PCDH15: variants seen among roughly 807,000 people sequenced by gnomAD.
PCDH15 encodes the protein protocadherin related 15.
Under a neutral mutation model 178.5 loss-of-function variants are expected in PCDH15, and 129 were observed. The ratio of observed to expected loss-of-function variants is 0.72; its 90% CI spans 0.63 to 0.84. The LOEUF (loss-of-function observed/expected upper bound fraction) is 0.84, where lower values mean the gene tolerates loss of function less well. Ranked by LOEUF, PCDH15 falls within the 40% of genes least tolerant of loss-of-function variation. The pLI is 0.00. For missense variants in PCDH15, 2,230 were observed against 2,099.9 expected (o/e 1.06, Z -1.21); for synonymous variants, 800 against 732.0 (o/e 1.09, Z -1.50).
chr10:55,280,128 C>A (rs1385010366), intron 1 of PCDH15, among the ~76,000 whole-genome samples: 1 of 151,952 alleles, frequency 6.6e-6, no homozygotes, highest in Non-Finnish European at 1.5e-5. Context: ...GCCCATTTGG[C>A]AAATTGAAAT....
intron 11 of PCDH15, among the ~76,000 whole-genome samples, chr10:54,193,431 G>A (rs570762150): frequency 6.6e-6 from 1 of 152,276 alleles, no homozygotes; most frequent in Non-Finnish European, 1.5e-5. Context: ...TATGACCTAA[G>A]CTATCATACA....
At chr10:53,872,548 A>G (rs1421727641) in intron 26 of PCDH15, among the ~76,000 whole-genome samples, 1 of 152,122 alleles carries the variant, frequency 6.6e-6, no homozygotes, top group African/African-American at 2.4e-5. Context: ...CTCCTTCCAC[A>G]ACACCTGGAT....
At chr10:54,154,913 G>A (rs6481063) in intron 13 of PCDH15, among the ~76,000 whole-genome samples, 44,863 of 151,930 alleles carry the variant, frequency 0.3, 7,376 homozygotes, top group African/African-American at 0.43. Context: ...CAAAATGAAT[G>A]GCATATATTT....
intron 2 of PCDH15, among the ~76,000 whole-genome samples, chr10:54,956,253 T>A (rs1328243991): frequency 6.6e-6 from 1 of 151,478 alleles, no homozygotes; most frequent in Non-Finnish European, 1.5e-5. Context: ...AGAAATTGTT[T>A]TTCATAACAG....
intron 6 of PCDH15, among the ~76,000 whole-genome samples, chr10:54,339,585 T>G (rs1051546518): frequency 6.6e-6 from 1 of 152,178 alleles, no homozygotes; most frequent in African/African-American, 2.4e-5. Flanking sequence ...AGAAGAATGC[T>G]TCTTCTTCTG....
intron 2 of PCDH15, among the ~76,000 whole-genome samples, chr10:55,359,429 C>T (rs1845166391): frequency 6.6e-6 from 1 of 151,438 alleles, no homozygotes; most frequent in South Asian, 2.1e-4. Flanking sequence ...ATATGTGCTG[C>T]CAAAGCAAGC....
intron 3 of PCDH15, among the ~76,000 whole-genome samples, chr10:54,884,536 T>C (rs1314263499): frequency 6.6e-6 from 1 of 151,652 alleles, no homozygotes; most frequent in Non-Finnish European, 1.5e-5. Context: ...TTCCTGACTT[T>C]CATCAATAGT....
At chr10:54,278,401 T>C (rs1039813350) in intron 8 of PCDH15, among the ~76,000 whole-genome samples, 1 of 151,558 alleles carries the variant, frequency 6.6e-6, no homozygotes, top group Non-Finnish European at 1.5e-5. Context: ...CCATAACGCT[T>C]TAATAACATA....
intron 9 of PCDH15, among the ~76,000 whole-genome samples, chr10:54,225,149 C>T (rs1253653896): frequency 6.6e-6 from 1 of 152,050 alleles, no homozygotes; most frequent in Non-Finnish European, 1.5e-5. Context: ...GGTATACCTA[C>T]ACTAGAAAGA....
At chr10:53,935,591 G>A (rs530545494) in intron 25 of PCDH15, among the ~76,000 whole-genome samples, 85 of 152,274 alleles carry the variant, frequency 5.6e-4, no homozygotes, top group Non-Finnish European at 9.8e-4. Context: ...TTTGGTTTAC[G>A]TATTATCTCT....
intron 1 of PCDH15, among the ~76,000 whole-genome samples, chr10:55,286,702 T>C (rs960195099): frequency 7.9e-5 from 12 of 152,084 alleles, no homozygotes; most frequent in African/African-American, 1.9e-4. Flanking sequence ...CTCTGCTGAA[T>C]TGAATTTATC....
At chr10:54,303,998 A>G (rs1319756530) in intron 8 of PCDH15, among the ~76,000 whole-genome samples, 1 of 151,878 alleles carries the variant, frequency 6.6e-6, no homozygotes, top group East Asian at 1.9e-4. Flanking sequence ...TCATGTCTTC[A>G]GATACATTGT....
At chr10:54,980,727 A>G (rs189880605) in intron 2 of PCDH15, among the ~76,000 whole-genome samples, 3 of 151,870 alleles carry the variant, frequency 2.0e-5, no homozygotes, top group Admixed American at 6.6e-5. Flanking sequence ...TTTTCAATCA[A>G]ATTCATTCAT....
At chr10:53,839,525 G>A (rs16937793) in intron 29 of PCDH15, among the ~76,000 whole-genome samples, 4,413 of 151,876 alleles carry the variant, frequency 0.029, 128 homozygotes, top group East Asian at 0.14. Flanking sequence ...TATAGAGTTC[G>A]GCATGACTAT....
At chr10:53,853,133 T>A (rs1015157175) in intron 28 of PCDH15, among the ~76,000 whole-genome samples, 1 of 151,448 alleles carries the variant, frequency 6.6e-6, no homozygotes, top group Admixed American at 6.6e-5. Context: ...ACATAGGTTT[T>A]AAAAAAAATC....
chr10:54,234,299 T>G (rs1412521024), intron 9 of PCDH15, among the ~76,000 whole-genome samples: 1 of 152,152 alleles, frequency 6.6e-6, no homozygotes, highest in East Asian at 1.9e-4. Flanking sequence ...AGCATTAACT[T>G]TTTTTCCAGG....
chr10:55,102,345 C>T (rs1021294055), intron 2 of PCDH15, among the ~76,000 whole-genome samples: 37 of 151,996 alleles, frequency 2.4e-4, no homozygotes, highest in African/African-American at 8.9e-4. Flanking sequence ...GAGAGGTCTC[C>T]TGTTATCCAC....
chr10:55,498,753 C>T (rs1840590314), intron 2 of PCDH15, among the ~76,000 whole-genome samples: 1 of 151,780 alleles, frequency 6.6e-6, no homozygotes, highest in Non-Finnish European at 1.5e-5. Context: ...TTTAAAATAG[C>T]CTCCCAAACT....
chr10:53,984,500 G>T (rs893244176), intron 21 of PCDH15, among the ~76,000 whole-genome samples: 8 of 151,982 alleles, frequency 5.3e-5, no homozygotes, highest in African/African-American at 1.7e-4. Flanking sequence ...AAATACCAAG[G>T]CTTGGAACCA....
Sources: gnomAD v4.1 joint callset for allele counts (sites outside exome capture counted in the v4.1 genomes callset) on GRCh38, gnomAD v4.1.1 for gene constraint, MANE v1.5 for transcripts, NCBI Gene and HGNC (gene_info 2026-07-23, HGNC 2026-07-21) for gene names.